Variants in ZNF385D observed in about 807,000 individuals in gnomAD.
ZNF385D encodes zinc finger protein 659.
A neutral mutation model predicts 35.8 loss-of-function variants in ZNF385D; 15 were observed. The ratio of observed to expected loss-of-function variants is 0.42; its 90% CI spans 0.28 to 0.64. The LOEUF is 0.64. Among genes scored for constraint, ZNF385D ranks in the 30% least tolerant of loss-of-function variants. ZNF385D has a pLI of 0.23. For missense variants in ZNF385D, 474 were observed against 494.6 expected (o/e 0.96, Z 0.39); for synonymous variants, 212 against 186.8 (o/e 1.13, Z -1.10).
At chr3:22,332,552 A>G (rs1015469686) in intron 2 of ZNF385D, among the ~76,000 whole-genome samples, 1 of 152,212 alleles carries the variant, frequency 6.6e-6, no homozygotes, top group Non-Finnish European at 1.5e-5. Context: ...ATGAAGCTTA[A>G]TAAAACAAGA....
At chr3:21,791,373 G>T (rs1361530684) in intron 3 of ZNF385D, among the ~76,000 whole-genome samples, 1 of 152,116 alleles carries the variant, frequency 6.6e-6, no homozygotes, top group African/African-American at 2.4e-5. Context: ...TGATATTAGG[G>T]GACAAATGAA....
chr3:21,935,067 T>C (rs1050493687), intron 3 of ZNF385D, among the ~76,000 whole-genome samples: 2 of 152,170 alleles, frequency 1.3e-5, no homozygotes, highest in African/African-American at 4.8e-5. Flanking sequence ...CTATGCCACA[T>C]TAATTAACTG....
At chr3:21,612,993 CTTTTTTTT>C (rs11336822) in intron 2 of ZNF385D, among the ~76,000 whole-genome samples, 86 of 137,288 alleles carry the variant, frequency 6.3e-4, no homozygotes, top group African/African-American at 2.1e-3. Context: ...TTTCTTTTTT[CTTTTTTTT>C]TTTTTTTCAA....
chr3:21,977,602 T>G (rs1305291486), intron 3 of ZNF385D, among the ~76,000 whole-genome samples: 3 of 152,032 alleles, frequency 2.0e-5, no homozygotes, highest in African/African-American at 4.8e-5. Flanking sequence ...GAAGAGTGCT[T>G]GAGGACAGGA....
At chr3:22,007,271 A>G (rs1477664847) in intron 3 of ZNF385D, among the ~76,000 whole-genome samples, 3 of 152,172 alleles carry the variant, frequency 2.0e-5, no homozygotes, top group Non-Finnish European at 4.4e-5. Flanking sequence ...TAATTTTTTT[A>G]AATCAACATT....
chr3:22,107,907 A>G (rs1480731300), intron 3 of ZNF385D, among the ~76,000 whole-genome samples: 1 of 151,966 alleles, frequency 6.6e-6, no homozygotes, highest in Non-Finnish European at 1.5e-5. Flanking sequence ...GGTGCCCATA[A>G]TAGGTGATTA....
chr3:21,962,202 G>C (rs1474514615), intron 3 of ZNF385D, among the ~76,000 whole-genome samples: 2 of 152,114 alleles, frequency 1.3e-5, no homozygotes. Context: ...TTATGTATTT[G>C]GCTAGAATCC....
intron 2 of ZNF385D, among the ~76,000 whole-genome samples, chr3:22,248,079 T>C (rs1699882327): frequency 6.6e-6 from 1 of 152,192 alleles, no homozygotes; most frequent in Non-Finnish European, 1.5e-5. Flanking sequence ...ATCAAGCTGA[T>C]GTCAAGATTC....
At chr3:21,908,579 A>T (rs891113832) in intron 3 of ZNF385D, among the ~76,000 whole-genome samples, 1 of 152,108 alleles carries the variant, frequency 6.6e-6, no homozygotes, top group Non-Finnish European at 1.5e-5. Flanking sequence ...CAAATCAAGG[A>T]AAGATTACCT....
chr3:22,228,648 A>G (rs535032509), intron 2 of ZNF385D, among the ~76,000 whole-genome samples: 1 of 152,148 alleles, frequency 6.6e-6, no homozygotes, highest in Admixed American at 6.5e-5. Flanking sequence ...AAGGTTGCAA[A>G]GTATTGTTCC....
chr3:22,287,460 T>C (rs1318743127), intron 2 of ZNF385D, among the ~76,000 whole-genome samples: 5 of 152,018 alleles, frequency 3.3e-5, no homozygotes, highest in Admixed American at 3.3e-4. Context: ...TCTCTTGCTG[T>C]CTTTGCGGCT....
intron 2 of ZNF385D, among the ~76,000 whole-genome samples, chr3:22,335,085 A>C (rs1264917098): frequency 6.6e-6 from 1 of 152,190 alleles, no homozygotes; most frequent in Non-Finnish European, 1.5e-5. Context: ...GCTTTCATTG[A>C]GTATTATATT....
At chr3:22,362,341 GAATA>G (rs1312476526) in intron 2 of ZNF385D, among the ~76,000 whole-genome samples, 1 of 151,802 alleles carries the variant, frequency 6.6e-6, no homozygotes, top group Non-Finnish European at 1.5e-5. Flanking sequence ...ACAAATTTCT[GAATA>G]ATTAAAAATT....
At chr3:21,712,271 A>G (rs1006052027) in intron 1 of ZNF385D, among the ~76,000 whole-genome samples, 1 of 152,162 alleles carries the variant, frequency 6.6e-6, no homozygotes, top group East Asian at 1.9e-4. Flanking sequence ...CTTCTAAGCC[A>G]TCACAGTAGG....
chr3:21,800,705 A>C (rs2072357200), intron 3 of ZNF385D, among the ~76,000 whole-genome samples: 1 of 152,060 alleles, frequency 6.6e-6, no homozygotes, highest in Admixed American at 6.6e-5. Context: ...TGAATTGTTC[A>C]ATTATTGCTG....
chr3:21,621,724 G>GA (rs753634469), intron 2 of ZNF385D, among the ~76,000 whole-genome samples: 1 of 151,986 alleles, frequency 6.6e-6, no homozygotes, highest in Non-Finnish European at 1.5e-5. Context: ...AGCTACTAAG[G>GA]AAAAATGAAT....
chr3:22,241,460 G>A (rs1166917556), intron 2 of ZNF385D, among the ~76,000 whole-genome samples: 1 of 151,148 alleles, frequency 6.6e-6, no homozygotes, highest in African/African-American at 2.4e-5. Flanking sequence ...ACTAGGTGCT[G>A]GCCTTGCTTC....
At chr3:21,839,339 G>A (rs1327657480) in intron 3 of ZNF385D, among the ~76,000 whole-genome samples, 1 of 152,008 alleles carries the variant, frequency 6.6e-6, no homozygotes, top group Non-Finnish European at 1.5e-5. Context: ...CACAAAAATG[G>A]TTTTGACTTC....
intron 3 of ZNF385D, among the ~76,000 whole-genome samples, chr3:21,770,335 C>T (rs1282827662): frequency 6.6e-6 from 1 of 152,074 alleles, no homozygotes; most frequent in African/African-American, 2.4e-5. Flanking sequence ...TTGTAATCAA[C>T]TCATCTGACA....
Sources: allele counts gnomAD v4.1 joint callset (sites outside exome capture counted in the v4.1 genomes callset), GRCh38; gene constraint gnomAD v4.1.1; transcripts MANE v1.5; gene names NCBI Gene and HGNC (gene_info 2026-07-23, HGNC 2026-07-21).